The following SGCZ variants were observed in gnomAD, a reference collection of about 807,000 sequenced individuals.
The protein encoded by SGCZ is sarcoglycan zeta.
SGCZ carries 40 observed loss-of-function variants against 41.3 expected under a neutral mutation model. The ratio of observed to expected loss-of-function variants is 0.97; its 90% confidence interval spans 0.75 to 1.26. SGCZ has a LOEUF of 1.26. Ranked by LOEUF, SGCZ falls within the 50% of genes most tolerant of loss-of-function variation. SGCZ has a pLI of 0.00. For synonymous variants in SGCZ, 206 were observed against 137.5 expected (o/e 1.50, Z -3.49); for missense variants, 552 against 369.8 (o/e 1.49, Z -4.04).
At chr8:14,331,163 A>G (rs765561476) in intron 2 of SGCZ, among the ~76,000 whole-genome samples, 40 of 151,962 alleles carry the variant, frequency 2.6e-4, no homozygotes, top group Non-Finnish European at 4.9e-4. Flanking sequence ...TTTGTAAGAC[A>G]TTAAGAATTA....
intron 2 of SGCZ, among the ~76,000 whole-genome samples, chr8:14,527,528 T>G (rs773061261): frequency 2.7e-4 from 41 of 150,738 alleles, no homozygotes; most frequent in Non-Finnish European, 5.0e-4. Flanking sequence ...TGAGTAAGCA[T>G]TTAAAATATT....
intron 1 of SGCZ, among the ~76,000 whole-genome samples, chr8:14,962,764 T>C (rs1208398558): frequency 6.6e-6 from 1 of 152,134 alleles, no homozygotes; most frequent in African/African-American, 2.4e-5. Flanking sequence ...ATGCAACAAA[T>C]GATGTTTGCA....
chr8:15,163,848 T>C (rs1025492294), intron 1 of SGCZ, among the ~76,000 whole-genome samples: 1 of 152,170 alleles, frequency 6.6e-6, no homozygotes, highest in Admixed American at 6.5e-5. Context: ...TTACATACCA[T>C]GGTGTCTTTT....
chr8:14,905,964 T>C (rs1265983409), intron 1 of SGCZ, among the ~76,000 whole-genome samples: 1 of 151,992 alleles, frequency 6.6e-6, no homozygotes, highest in Admixed American at 6.6e-5. Flanking sequence ...ATGAGGAAGA[T>C]ATAGTGTTAG....
At chr8:14,141,568 C>T (rs1387498638) in intron 5 of SGCZ, among the ~76,000 whole-genome samples, 2 of 152,178 alleles carry the variant, frequency 1.3e-5, no homozygotes, top group African/African-American at 4.8e-5. Context: ...TGCAAAAAGG[C>T]TCATCATCAC....
chr8:14,858,041 CTTTATA>C (rs941389334), intron 1 of SGCZ, among the ~76,000 whole-genome samples: 1 of 152,070 alleles, frequency 6.6e-6, no homozygotes, highest in Non-Finnish European at 1.5e-5. Flanking sequence ...GTAATGTGAA[CTTTATA>C]TTTATTAGAG....
At chr8:14,587,438 AAGGCAGG>A (rs1805096165) in intron 1 of SGCZ, among the ~76,000 whole-genome samples, 2 of 152,038 alleles carry the variant, frequency 1.3e-5, no homozygotes, top group Non-Finnish European at 2.9e-5. Flanking sequence ...TTGGGAGACG[AAGGCAGG>A]AATATGGCTT....
intron 1 of SGCZ, among the ~76,000 whole-genome samples, chr8:14,795,177 C>T (rs1801083771): frequency 1.3e-5 from 2 of 152,028 alleles, no homozygotes; most frequent in African/African-American, 4.8e-5. Flanking sequence ...TATTGTTTAA[C>T]ATAGGATACA....
intron 1 of SGCZ, among the ~76,000 whole-genome samples, chr8:14,592,419 T>C (rs2036826): frequency 0.3 from 44,923 of 151,946 alleles, 6,856 homozygotes; most frequent in Non-Finnish European, 0.36. Flanking sequence ...ATACATGCTA[T>C]ATTTCATATT....
At chr8:14,747,757 G>T (rs1366447934) in intron 1 of SGCZ, among the ~76,000 whole-genome samples, 2 of 149,258 alleles carry the variant, frequency 1.3e-5, no homozygotes, top group Admixed American at 6.8e-5. Flanking sequence ...TTCTGTCCCA[G>T]GCTGGAGTGC....
intron 1 of SGCZ, among the ~76,000 whole-genome samples, chr8:14,582,199 T>G (rs1000291105): frequency 1.3e-5 from 2 of 152,186 alleles, no homozygotes; most frequent in Admixed American, 1.3e-4. Flanking sequence ...ATATATGCTA[T>G]TGATAACATA....
intron 1 of SGCZ, among the ~76,000 whole-genome samples, chr8:14,817,689 C>A (rs779867283): frequency 6.6e-6 from 1 of 152,192 alleles, no homozygotes; most frequent in Non-Finnish European, 1.5e-5. Flanking sequence ...CACCCTCATT[C>A]CGCCAGGGAA....
At chr8:14,552,437 T>A (rs1233802914) in intron 2 of SGCZ, among the ~76,000 whole-genome samples, 1 of 152,032 alleles carries the variant, frequency 6.6e-6, no homozygotes, top group Non-Finnish European at 1.5e-5. Context: ...ATGCAAATAG[T>A]TTTCGTGGGT....
intron 1 of SGCZ, among the ~76,000 whole-genome samples, chr8:14,720,443 G>A (rs570114919): frequency 1.3e-5 from 2 of 152,166 alleles, no homozygotes; most frequent in African/African-American, 4.8e-5. Context: ...TGCAAATATA[G>A]TAGTATTGCC....
intron 2 of SGCZ, among the ~76,000 whole-genome samples, chr8:14,360,934 G>A (rs1456826342): frequency 3.3e-5 from 5 of 152,036 alleles, no homozygotes; most frequent in South Asian, 2.1e-4. Flanking sequence ...TAGTTTTTCC[G>A]CAAGCTCAGC....
intron 2 of SGCZ, among the ~76,000 whole-genome samples, chr8:14,548,783 A>T (rs1238651845): frequency 1.3e-5 from 2 of 152,110 alleles, no homozygotes; most frequent in African/African-American, 4.8e-5. Context: ...AGTTCAGAAA[A>T]ATCAGAATAT....
chr8:14,536,399 C>G (rs1308753984), intron 2 of SGCZ, among the ~76,000 whole-genome samples: 1 of 151,762 alleles, frequency 6.6e-6, no homozygotes, highest in African/African-American at 2.4e-5. Context: ...TACAACATTA[C>G]AAAAACCAAA....
At chr8:15,230,944 G>A (rs909284921) in intron 1 of SGCZ, among the ~76,000 whole-genome samples, 1 of 152,188 alleles carries the variant, frequency 6.6e-6, no homozygotes, top group Non-Finnish European at 1.5e-5. Context: ...TCCCCAAGGT[G>A]CCACTACTGG....
chr8:14,445,046 C>T (rs1800392497), intron 2 of SGCZ, among the ~76,000 whole-genome samples: 2 of 152,180 alleles, frequency 1.3e-5, no homozygotes, highest in Non-Finnish European at 2.9e-5. Context: ...CATCTCAGCA[C>T]CTAAGGCCAA....
Sources: gnomAD v4.1 joint callset for allele counts (sites outside exome capture counted in the v4.1 genomes callset) on GRCh38, gnomAD v4.1.1 for gene constraint, MANE v1.5 for transcripts, NCBI Gene and HGNC (gene_info 2026-07-23, HGNC 2026-07-21) for gene names.